The following FRMD4A variants were observed in gnomAD, a reference collection of about 807,000 sequenced individuals.
FRMD4A encodes FERM domain containing 4A.
In FRMD4A, 29 loss-of-function variants were observed where a neutral mutation model predicts 129.1. That is an observed-to-expected ratio of 0.22 (90% CI 0.17 to 0.31). FRMD4A has a LOEUF of 0.31. Ranked by LOEUF, FRMD4A falls within the 10% of genes least tolerant of loss-of-function variation. FRMD4A has a pLI of 1.00. For synonymous variants in FRMD4A, 634 were observed against 571.6 expected (o/e 1.11, Z -1.56); for missense variants, 1,272 against 1,375.8 (o/e 0.92, Z 1.19).
intron 2 of FRMD4A, among the ~76,000 whole-genome samples, chr10:14,149,149 A>C (rs1000908034): frequency 6.6e-6 from 1 of 152,216 alleles, no homozygotes; most frequent in Non-Finnish European, 1.5e-5. Flanking sequence ...ACATACTTTC[A>C]TAGACCATTG....
At chr10:14,149,582 G>A (rs1032448626) in intron 2 of FRMD4A, among the ~76,000 whole-genome samples, 4 of 152,116 alleles carry the variant, frequency 2.6e-5, no homozygotes, top group African/African-American at 9.7e-5. Context: ...ATAGCTCACT[G>A]CAGCCTGGAA....
intron 2 of FRMD4A, among the ~76,000 whole-genome samples, chr10:14,151,767 G>T (rs935110517): frequency 2.0e-5 from 3 of 152,204 alleles, no homozygotes; most frequent in East Asian, 3.9e-4. Context: ...TCTTGGAAAT[G>T]CTGTAGACTA....
chr10:13,825,893 T>C (rs368039144), intron 3 of FRMD4A, among the ~76,000 whole-genome samples: 1 of 152,262 alleles, frequency 6.6e-6, no homozygotes, highest in Non-Finnish European at 1.5e-5. Flanking sequence ...TTTGGTATCT[T>C]AGCAGGGTCC....
At chr10:13,814,959 G>A (rs1176155498) in intron 3 of FRMD4A, among the ~76,000 whole-genome samples, 3 of 152,200 alleles carry the variant, frequency 2.0e-5, no homozygotes, top group Admixed American at 1.3e-4. Context: ...CTTACCGGGT[G>A]GTAAGGCCTT....
intron 2 of FRMD4A, among the ~76,000 whole-genome samples, chr10:14,045,870 A>G (rs1466032613): frequency 4.8e-5 from 7 of 146,804 alleles, no homozygotes; most frequent in Admixed American, 1.4e-4. Flanking sequence ...TATATATCAT[A>G]TTATATATGG....
At chr10:14,096,284 C>G (rs1211176425) in intron 2 of FRMD4A, among the ~76,000 whole-genome samples, 3 of 152,172 alleles carry the variant, frequency 2.0e-5, no homozygotes, top group Non-Finnish European at 4.4e-5. Flanking sequence ...TCACCAGACA[C>G]CAGATCTGCT....
At chr10:14,119,554 C>T (rs1014829168) in intron 2 of FRMD4A, among the ~76,000 whole-genome samples, 6 of 152,146 alleles carry the variant, frequency 3.9e-5, no homozygotes, top group Non-Finnish European at 5.9e-5. Flanking sequence ...GTGAGGTTAT[C>T]GCAACACCAA....
At chr10:13,858,953 G>A (rs372187386) in intron 2 of FRMD4A, 41 bp from the exon 3 acceptor site, 13 of 1,246,600 alleles carry the variant, frequency 1.0e-5, no homozygotes, top group Non-Finnish European at 1.2e-5. Flanking sequence ...GAGTCTAGCA[G>A]CCAGACAAAG....
chr10:13,655,276 T>C (rs1424419117), intron 22 of FRMD4A: 1 of 152,242 alleles, frequency 6.6e-6, no homozygotes, highest in Non-Finnish European at 1.5e-5. Context: ...CTCATCTCTT[T>C]ACATAAAGCA....
intron 2 of FRMD4A, among the ~76,000 whole-genome samples, chr10:13,913,908 G>T (rs577426591): frequency 2.6e-5 from 4 of 152,320 alleles, no homozygotes; most frequent in South Asian, 4.1e-4. Flanking sequence ...TGTAGCTCAG[G>T]ATAGAGGACG....
At chr10:14,014,797 T>G (rs1262090554) in intron 2 of FRMD4A, among the ~76,000 whole-genome samples, 1 of 152,260 alleles carries the variant, frequency 6.6e-6, no homozygotes, top group Non-Finnish European at 1.5e-5. Context: ...CACAGTGCGC[T>G]GTTTGCAGTA....
intron 17 of FRMD4A, 138 bp downstream of exon 17, chr10:13,670,268 C>A (rs2083406943): frequency 1.3e-6 from 1 of 793,440 alleles, no homozygotes; most frequent in Non-Finnish European, 2.1e-6. Context: ...CCGGCCAGCT[C>A]ACTCAAGAAA....
In FRMD4A at chr10:13,915,136, A is replaced by G. The variant is rs562894278; in HGVS notation, c.46-56224T>C. Among the ~76,000 whole-genome samples, 469 of 152,348 alleles carry G rather than the reference A, an allele frequency of 3.1e-3. 2 individuals are homozygous for G. The highest frequency in any genetic ancestry group is 0.011 in the African/African-American group (451 of 41,584). On this transcript the variant is annotated intron_variant, in intron 2 of 24. Transcript: ENST00000357447. Reference sequence around the variant, plus strand: ...GAGTACTGTGTTCTGTTTCATGGCTACATTTTAAGACAGATGTTTGCAAAT... The same window carrying G: ...GAGTACTGTGTTCTGTTTCATGGCTGCATTTTAAGACAGATGTTTGCAAAT...
chr10:14,126,754 T>G (rs1208166612), intron 2 of FRMD4A, among the ~76,000 whole-genome samples: 1 of 152,192 alleles, frequency 6.6e-6, no homozygotes, highest in Non-Finnish European at 1.5e-5. Context: ...TGGGTGGCTA[T>G]CTGAACAAAA....
chr10:14,155,738 A>C (rs1840563984), intron 2 of FRMD4A, among the ~76,000 whole-genome samples: 1 of 152,242 alleles, frequency 6.6e-6, no homozygotes, highest in Admixed American at 6.5e-5. Context: ...AATGTTAGGA[A>C]AGAGTGAGAG....
At chr10:14,231,352 T>C (rs1454919898) in intron 2 of FRMD4A, among the ~76,000 whole-genome samples, 1 of 151,884 alleles carries the variant, frequency 6.6e-6, no homozygotes, top group Non-Finnish European at 1.5e-5. Context: ...TGTGGTTTTT[T>C]TTTTTTTTGA....
At chr10:13,854,812 C>T (rs961551960) in intron 3 of FRMD4A, among the ~76,000 whole-genome samples, 1 of 152,098 alleles carries the variant, frequency 6.6e-6, no homozygotes, top group Non-Finnish European at 1.5e-5. Flanking sequence ...TGTCTGTGGG[C>T]TGAACTGCAG....
chr10:13,832,788 T>C (rs905013255), intron 3 of FRMD4A, among the ~76,000 whole-genome samples: 3 of 151,924 alleles, frequency 2.0e-5, no homozygotes, highest in Non-Finnish European at 4.4e-5. Flanking sequence ...TAGAGGTGAA[T>C]GCCACCACAC....
chr10:13,811,170 C>T (rs771451180), intron 3 of FRMD4A, among the ~76,000 whole-genome samples: 2 of 150,838 alleles, frequency 1.3e-5, no homozygotes, highest in African/African-American at 4.9e-5. Flanking sequence ...GAGTCTCGCT[C>T]TGTCATCCAG....
Sources: gnomAD v4.1 joint callset for allele counts (sites outside exome capture counted in the v4.1 genomes callset) on GRCh38, gnomAD v4.1.1 for gene constraint, MANE v1.5 for transcripts, NCBI Gene and HGNC (gene_info 2026-07-23, HGNC 2026-07-21) for gene names.